PTCHD1: variants seen among roughly 807,000 people sequenced by gnomAD.
The protein encoded by PTCHD1 is patched domain containing 1, also known as patched domain-containing protein 1.
In PTCHD1, 3 loss-of-function variants were observed where a neutral mutation model predicts 34.6. The ratio of observed to expected loss-of-function variants is 0.09; its 90% CI spans 0.04 to 0.22. The LOEUF is 0.22. Among genes scored for constraint, PTCHD1 ranks in the 10% least tolerant of loss-of-function variants. The probability of loss-of-function intolerance (pLI) is 1.00; values close to 1 mark genes in which losing one functional copy is unlikely to be tolerated. For synonymous variants in PTCHD1, 305 were observed against 283.1 expected (o/e 1.08, Z -0.77); for missense variants, 504 against 685.5 (o/e 0.74, Z 2.96).
intron 2 of PTCHD1, among the ~76,000 whole-genome samples, chrX:23,382,813 A>T (rs1432439652): frequency 8.9e-6 from 1 of 112,560 alleles, no homozygotes; most frequent in African/African-American, 3.2e-5. Context: ...CATAACATGA[A>T]AGGAAGCTAC....
Position 23,393,146 on chromosome X carries a change from C to A in PTCHD1, c.1628C>A (p.Thr543Asn), listed in dbSNP as rs767742378. Residue 543 changes from threonine (T) to asparagine (N), a missense_variant, in exon 3 of 3, where the codon ACT becomes AAT. Thr to Asn is a moderately conservative substitution (Grantham distance 65). Transcript: ENST00000379361. ...GCGACACAAACCATTGAGTACACTA[C>A]TGCCCAGCAAAAGTACTTCAGCAAC... The part of the protein sequence containing the change: ...ATATQTIEYT[T>N]AQQKYFSNYS... 24 of 1,210,063 alleles carry A rather than the reference C, an allele frequency of 2.0e-5. No homozygotes were observed. Among genetic ancestry groups the A allele is most frequent in the Non-Finnish European group, 1.2e-5 (11 of 895,022 alleles).
At chrX:23,339,801 A>G (rs1469618073) in intron 1 of PTCHD1, among the ~76,000 whole-genome samples, 1 of 112,987 alleles carries the variant, frequency 8.9e-6, no homozygotes, top group Non-Finnish European at 1.9e-5. Context: ...CAACAAAACA[A>G]AAACCAAGAA....
Position 23,334,882 on chromosome X carries a change from C to A in PTCHD1, c.7C>A (p.Arg3=). The change falls in exon 1 of 3, where the codon CGG becomes AGG. Residue 3 remains arginine (R), a synonymous_variant. Transcript: ENST00000379361. ...GCGCCCGCTCTGCTCTAGGATGCTG[C>A]GGCAGGTTCTGCACAGGGGCTTGAG... ML[R]QVLHRGLRTC... 1 of 1,193,624 alleles carries A rather than the reference C, an allele frequency of 8.4e-7. No individual in the cohort carries two copies. Among genetic ancestry groups the A allele is most frequent in the Non-Finnish European group, 1.1e-6 (1 of 885,775 alleles).
At position 23,362,459 on chromosome X, in the gene PTCHD1, A is replaced by G. The variant is rs757293609; in HGVS notation, c.352-17132A>G. ...TCAAATTGGCTATTGAAGCTTGGAC[A>G]TGGTTTTCAGCTCCATCAGGTCATT... is the stretch of plus-strand genomic sequence containing the variant. On this transcript the variant is annotated intron_variant, in intron 1 of 2. Transcript: ENST00000379361. Among the ~76,000 whole-genome samples the G allele has an allele frequency of 1.7e-4, 19 of 111,932 alleles. No homozygotes were observed. In the East Asian group the frequency reaches 5.3e-3, roughly 31 times the overall value.
chrX:23,336,991 A>G (rs1921187412), intron 1 of PTCHD1, among the ~76,000 whole-genome samples: 1 of 110,863 alleles, frequency 9.0e-6, no homozygotes, highest in Non-Finnish European at 1.9e-5. Context: ...CCCACAAACC[A>G]TCACACCACT....
intron 2 of PTCHD1, among the ~76,000 whole-genome samples, chrX:23,390,603 C>T (rs769079730): frequency 4.8e-4 from 54 of 111,829 alleles, no homozygotes; most frequent in African/African-American, 1.3e-3. Context: ...ATAGGGGCCT[C>T]GGTGCTAGTT....
At chrX:23,387,613 C>A (rs1253303444) in intron 2 of PTCHD1, among the ~76,000 whole-genome samples, 1 of 111,863 alleles carries the variant, frequency 8.9e-6, no homozygotes, top group Non-Finnish European at 1.9e-5. Flanking sequence ...AAATCACACT[C>A]CCGGCCCAAA....
chrX:23,334,511 G>C (rs1227919425), upstream of PTCHD1: 2 of 109,162 alleles, frequency 1.8e-5, no homozygotes, highest in African/African-American at 6.6e-5. Context: ...CCCCGCCCGC[G>C]CTGAGAGGGG....
At chrX:23,335,420 G>A (rs1921141907) in intron 1 of PTCHD1, among the ~76,000 whole-genome samples, 194 bp downstream of exon 1, 2 of 112,987 alleles carry the variant, frequency 1.8e-5, no homozygotes, top group Non-Finnish European at 3.8e-5. Context: ...TCGGGGTCCG[G>A]GTCCGGCCCT....
intron 1 of PTCHD1, among the ~76,000 whole-genome samples, chrX:23,375,697 T>G (rs760132937): frequency 8.9e-6 from 1 of 111,971 alleles, no homozygotes; most frequent in East Asian, 2.8e-4. Context: ...CTGCCCTTAT[T>G]TACTGGCTCA....
At chrX:23,387,850 A>G (rs770696888) in intron 2 of PTCHD1, among the ~76,000 whole-genome samples, 1 of 112,427 alleles carries the variant, frequency 8.9e-6, no homozygotes, top group South Asian at 3.7e-4. Context: ...AACATCTTGA[A>G]TATGCTTTTA....
chrX:23,364,303 A>G (rs1194983576), intron 1 of PTCHD1, among the ~76,000 whole-genome samples: 2 of 109,610 alleles, frequency 1.8e-5, no homozygotes, highest in African/African-American at 6.7e-5. Context: ...ATAAAAATTC[A>G]TTAAATATGC....
intron 1 of PTCHD1, among the ~76,000 whole-genome samples, chrX:23,352,295 C>T (rs1387431280): frequency 8.9e-6 from 1 of 111,849 alleles, no homozygotes; most frequent in South Asian, 3.8e-4. Context: ...TATCTGTGAG[C>T]TTGGTGACCA....
In PTCHD1 at chrX:23,393,717, C is replaced by T. The variant is rs1336299564; in HGVS notation, c.2199C>T (p.Ser733=). Reference sequence around the variant, plus strand: ...TCTGGATCACTCTCACAGTTGTGTCCGTGGAGTTTGGAGTGATAGGTTTCA... The same window carrying T: ...TCTGGATCACTCTCACAGTTGTGTCTGTGGAGTTTGGAGTGATAGGTTTCA... The part of the protein sequence containing the change: ...INVWITLTVV[S]VEFGVIGFMT... The change falls in exon 3 of 3, where the codon TCC becomes TCT. Residue 733 remains serine, a synonymous_variant. Transcript: ENST00000379361. The T allele has an allele frequency of 1.8e-5, 22 of 1,209,423 alleles. No homozygotes were observed. The South Asian group carries it at 2.6e-4, about 15-fold the overall frequency.
At chrX:23,372,386 A>C (rs760474021) in intron 1 of PTCHD1, among the ~76,000 whole-genome samples, 3 of 110,877 alleles carry the variant, frequency 2.7e-5, no homozygotes, top group South Asian at 3.9e-4. Flanking sequence ...GTTTCATGTC[A>C]GGCGCCAAAG....
chrX:23,381,440 A>C (rs1319686801), intron 2 of PTCHD1, among the ~76,000 whole-genome samples: 1 of 112,790 alleles, frequency 8.9e-6, no homozygotes, highest in East Asian at 2.8e-4. Context: ...TCAGATACTC[A>C]CATGACAAAT....
At chrX:23,361,698 T>A (rs1921989160) in intron 1 of PTCHD1, among the ~76,000 whole-genome samples, 1 of 112,140 alleles carries the variant, frequency 8.9e-6, no homozygotes, top group African/African-American at 3.2e-5. Flanking sequence ...CATTATGATG[T>A]TAGCTGGTTA....
chrX:23,344,836 T>C (rs752779092), intron 1 of PTCHD1, among the ~76,000 whole-genome samples: 1 of 111,753 alleles, frequency 8.9e-6, no homozygotes, highest in South Asian at 3.8e-4. Flanking sequence ...AGGGCTCTCC[T>C]CACCACATCT....
rs1923033907 is a variant in PTCHD1 at position 23,398,033 on chromosome X, AG to A, written c.*3849del. On this transcript the variant is annotated 3_prime_UTR_variant, in exon 3 of 3. Transcript: ENST00000379361. ...ACTTATCGAGTGCCAAATATCGCCC[AG>A]ATACTGTTCGAGAGGCTGGGGACAC... 8.9e-6 allele frequency: 1 copy of A among 111,833 alleles called. No homozygotes were observed. The highest frequency in any genetic ancestry group is 3.8e-4 in the South Asian group (1 of 2,633). The allele number at this position is 111,833 out of a possible 1,213,427, so 9.2% of individuals were successfully genotyped here.
Sources: allele counts gnomAD v4.1 joint callset (sites outside exome capture counted in the v4.1 genomes callset), GRCh38; gene constraint gnomAD v4.1.1; transcripts MANE v1.5; gene names NCBI Gene and HGNC (gene_info 2026-07-23, HGNC 2026-07-21).